TAF1A: variants seen among roughly 807,000 people sequenced by gnomAD.
TAF1A encodes TATA box-binding protein-associated factor RNA polymerase I subunit A.
Under a neutral mutation model 61.6 loss-of-function variants are expected in TAF1A, and 42 were observed. The observed-to-expected ratio is 0.68, with a 90% CI of 0.53 to 0.88. The LOEUF (loss-of-function observed/expected upper bound fraction) is 0.88, where lower values mean the gene tolerates loss of function less well. Ranked by LOEUF, TAF1A falls within the 40% of genes least tolerant of loss-of-function variation. The probability of loss-of-function intolerance (pLI) is 0.00; values close to 1 mark genes in which losing one functional copy is unlikely to be tolerated. For missense variants in TAF1A, 424 were observed against 518.7 expected, an observed-to-expected ratio of 0.82 and a Z score of 1.77; for synonymous variants, 179 against 177.7, an observed-to-expected ratio of 1.01 and a Z score of -0.06.
chr1:222,564,316 T>TAAAAAAAAAAAAAAAAAAAAAAAAAAA (rs34892481), intron 7 of TAF1A, among the ~76,000 whole-genome samples, 191 bp from the exon 8 acceptor site: 1 of 110,622 alleles, frequency 9.0e-6, no homozygotes, highest in Non-Finnish European at 1.8e-5. Context: ...AAAGCTGTCT[T>TAAAAAAAAAAAAAAAAAAAAAAAAAAA]AAAAAAAAAA....
rs1661182725 is a variant in TAF1A at position 222,589,805 on chromosome 1, G to T, written c.-81C>A. The T allele has an allele frequency of 5.6e-6, 2 of 358,160 alleles. No homozygotes were observed. The highest frequency in any genetic ancestry group is 2.1e-5 in the African/African-American group (1 of 47,876). The allele number at this position is 358,160 out of a possible 1,614,324, so 22.2% of individuals were successfully genotyped here. A position where few individuals can be genotyped will look rare whatever the true frequency, so the allele number is the denominator to read the frequency against. On this transcript the variant is annotated 5_prime_UTR_variant, in exon 1 of 11. Transcript: ENST00000352967. ...CCACGTGAAGAAATTCCCACCGGAA[G>T]ACGAGTTAGGAGAGCTTTATATGAG...
rs114836940 is a variant in TAF1A, at chr1:222,583,477, A to G, written c.291+651T>C. 3.7e-3 allele frequency among the ~76,000 whole-genome samples: 563 copies of G among 152,286 alleles called. 3 individuals are homozygous for G. The highest frequency in any genetic ancestry group is 0.013 in the African/African-American group (541 of 41,570). ...GAAAAAGAGAACAACTCTTTCAAGAAGTTTTGCTGAAAGAGAGTAAAACAA... is the reference window on the plus strand; with the variant it reads ...GAAAAAGAGAACAACTCTTTCAAGAGGTTTTGCTGAAAGAGAGTAAAACAA... On this transcript the variant is annotated intron_variant, in intron 3 of 10. Coordinates refer to ENST00000352967, the MANE Select transcript of TAF1A (RefSeq NM_005681.4).
At chr1:222,586,070 G>A (rs1452874073) in intron 2 of TAF1A, among the ~76,000 whole-genome samples, 1 of 152,180 alleles carries the variant, frequency 6.6e-6, no homozygotes, top group East Asian at 1.9e-4. Flanking sequence ...CTAGACTAGT[G>A]TTCTCAGACT....
chr1:222,557,971 C>T (rs1659769884), downstream of TAF1A: 1 of 151,000 alleles, frequency 6.6e-6, no homozygotes, highest in African/African-American at 2.4e-5. Flanking sequence ...GCAACCTCCA[C>T]CTCCCGGGTT....
intron 5 of TAF1A, among the ~76,000 whole-genome samples, chr1:222,576,280 A>C (rs2102663562): frequency 6.6e-6 from 1 of 152,338 alleles, no homozygotes; most frequent in Non-Finnish European, 1.5e-5. Flanking sequence ...TGATGAAGAG[A>C]GCATTTCAGA....
At chr1:222,561,821 T>G (rs1659928903) in intron 9 of TAF1A, among the ~76,000 whole-genome samples, 1 of 152,174 alleles carries the variant, frequency 6.6e-6, no homozygotes, top group Non-Finnish European at 1.5e-5. Context: ...CTACTATGTA[T>G]GTGATCCTGG....
downstream of TAF1A, among the ~76,000 whole-genome samples, chr1:222,557,032 A>G (rs1241984288): frequency 6.6e-6 from 1 of 152,196 alleles, no homozygotes; most frequent in African/African-American, 2.4e-5. Flanking sequence ...TTATTGATAG[A>G]CCTTTCTTAC....
At chr1:222,573,908 A>G (rs1452007294) in intron 5 of TAF1A, among the ~76,000 whole-genome samples, 1 of 152,206 alleles carries the variant, frequency 6.6e-6, no homozygotes, top group Non-Finnish European at 1.5e-5. Context: ...ATGGAATTCT[A>G]TTCAGTAATA....
At chr1:222,571,872 G>A (rs757146551) in intron 5 of TAF1A, among the ~76,000 whole-genome samples, 19 of 152,052 alleles carry the variant, frequency 1.2e-4, no homozygotes, top group Admixed American at 2.6e-4. Flanking sequence ...AAAATGCAAG[G>A]GACCAAAGAA....
In TAF1A at chr1:222,588,552, G is replaced by A; in HGVS notation, c.12C>T (p.Phe4=). ...TCACAGGCCCTTTTAATTCTTCACT[G>A]AAATCACTCATACCTATTACAAGAT... MSD[F]SEELKGPVTD... is the part of the protein sequence containing the mutation. The change falls in exon 2 of 11, where the codon TTC becomes TTT. Residue 4 remains phenylalanine (F), a synonymous_variant. Coordinates refer to ENST00000352967, the MANE Select transcript of TAF1A (RefSeq NM_005681.4). The A allele has an allele frequency of 6.2e-7, 1 of 1,613,812 alleles. No individual in the cohort carries two copies. The highest frequency in any genetic ancestry group is 1.1e-5 in the South Asian group (1 of 91,032).
chr1:222,584,272 A>G lies in TAF1A; in HGVS notation c.147T>C (p.Asp49=), dbSNP rs921917973. The change falls in exon 3 of 11, where the codon GAT becomes GAC. Residue 49 remains aspartate, a synonymous_variant. Transcript: ENST00000352967. ...TVAIGGKRRK[D]FAQTTSACLS... is the part of the protein sequence containing the mutation. Reference sequence around the variant, plus strand: ...AACAAGCACTTGTTGTCTGAGCAAAATCCTTCCTCCTTTTCCCTCCAATGG... The same window carrying G: ...AACAAGCACTTGTTGTCTGAGCAAAGTCCTTCCTCCTTTTCCCTCCAATGG... 6.2e-7 allele frequency: 1 copy of G among 1,606,460 alleles called. No individual in the cohort carries two copies. Among genetic ancestry groups the G allele is most frequent in the Non-Finnish European group, 8.5e-7 (1 of 1,178,186 alleles).
In TAF1A at chr1:222,569,688, ATATCT is replaced by A; in HGVS notation, c.736-25_736-21del. The A allele has an allele frequency of 6.3e-7, 1 of 1,597,452 alleles. No homozygotes were observed. The highest frequency in any genetic ancestry group is 1.4e-5 in the African/African-American group (1 of 73,992). On this transcript the variant is annotated intron_variant, in intron 6 of 10. Coordinates refer to ENST00000352967, the MANE Select transcript of TAF1A (RefSeq NM_005681.4). ...CAGCATCTATATAAAATAAATCATA[ATATCT>A]TAGCTGAATTCTGTAAGACAGCTAT...
In TAF1A at chr1:222,561,527, G is replaced by C. The variant is rs766767312; in HGVS notation, c.1086-9C>G. 1.3e-6 allele frequency: 2 copies of C among 1,583,700 alleles called. No homozygotes were observed. Among genetic ancestry groups the C allele is most frequent in the Non-Finnish European group, 1.7e-6 (2 of 1,167,328 alleles). ...CCCACGCAAGGTGGTTTCTGGAAAA[G>C]AAAAATGTCAAAAGAGAGGGTCAAT... On this transcript the variant is annotated splice_polypyrimidine_tract_variant and intron_variant, in intron 9 of 10. Transcript: ENST00000352967.
chr1:222,579,111 G>A (rs934076494), intron 4 of TAF1A, among the ~76,000 whole-genome samples: 3 of 152,146 alleles, frequency 2.0e-5, no homozygotes, highest in East Asian at 3.8e-4. Flanking sequence ...AAGTAGAACC[G>A]TAAACTGCCC....
downstream of TAF1A, among the ~76,000 whole-genome samples, chr1:222,555,813 T>C (rs1188304328): frequency 1.3e-5 from 2 of 152,160 alleles, no homozygotes; most frequent in Admixed American, 6.5e-5. Flanking sequence ...TATCAAAACA[T>C]CAGGTTGTAC....
intron 8 of TAF1A, 79 bp downstream of exon 8, chr1:222,563,980 G>A: frequency 2.4e-6 from 2 of 841,492 alleles, no homozygotes. Context: ...GGTGGATTTA[G>A]CCGATGGGCT....
At chr1:222,587,282 G>A (rs554487376) in intron 2 of TAF1A, among the ~76,000 whole-genome samples, 3 of 152,258 alleles carry the variant, frequency 2.0e-5, no homozygotes, top group East Asian at 1.9e-4. Context: ...CATCTCAGTC[G>A]TTAAAAGTGT....
At chr1:222,576,766 T>C (rs2102664513) in intron 5 of TAF1A, among the ~76,000 whole-genome samples, 1 of 152,364 alleles carries the variant, frequency 6.6e-6, no homozygotes, top group East Asian at 1.9e-4. Context: ...AACTCCATTC[T>C]AGGCACACAG....
intron 7 of TAF1A, among the ~76,000 whole-genome samples, chr1:222,565,656 T>C (rs945216427): frequency 1.3e-5 from 2 of 151,978 alleles, no homozygotes; most frequent in African/African-American, 2.4e-5. Flanking sequence ...TTAAAGGTAT[T>C]GTTTAGTCCA....
Sources: gnomAD v4.1 joint callset for allele counts (sites outside exome capture counted in the v4.1 genomes callset) on GRCh38, gnomAD v4.1.1 for gene constraint, MANE v1.5 for transcripts, NCBI Gene and HGNC (gene_info 2026-07-23, HGNC 2026-07-21) for gene names.